The following STON2 variants were observed in gnomAD, a reference collection of about 807,000 sequenced individuals.
STON2 encodes stonin-2.
A neutral mutation model predicts 65.7 loss-of-function variants in STON2; 29 were observed. That is an observed-to-expected ratio of 0.44 (90% CI 0.33 to 0.60). STON2 has a LOEUF of 0.60. Among genes scored for constraint, STON2 ranks in the 20% least tolerant of loss-of-function variants. The pLI, the probability that STON2 is intolerant of heterozygous loss-of-function variation, is 0.03. For missense variants in STON2, 1,054 were observed against 1,118.1 expected (o/e 0.94, Z 0.82); for synonymous variants, 404 against 414.2 (o/e 0.98, Z 0.30).
In STON2 at chr14:81,261,499, AT is replaced by A; in HGVS notation, c.*6914del. ...TTTTGTAGCTTGTACATAGTTTAAA[AT>A]TTTTTTAACTACAATTTGATGTTAC... On this transcript the variant is annotated 3_prime_UTR_variant, in exon 8 of 8. Coordinates refer to ENST00000614646, the MANE Select transcript of STON2 (RefSeq NM_001394390.1). 3.9e-6 allele frequency: 1 copy of A among 254,942 alleles called. No homozygotes were observed. 15.8% of individuals were successfully genotyped at this position (254,942 alleles called of 1,614,324 possible).
At chr14:81,348,972 T>G (rs1396341863) in intron 4 of STON2, among the ~76,000 whole-genome samples, 1 of 152,112 alleles carries the variant, frequency 6.6e-6, no homozygotes, top group Non-Finnish European at 1.5e-5. Context: ...ACAAAGGTGT[T>G]AAGAACATAT....
chr14:81,288,812 A>C (rs1290699582), intron 5 of STON2, among the ~76,000 whole-genome samples: 1 of 150,756 alleles, frequency 6.6e-6, no homozygotes, highest in African/African-American at 2.4e-5. Flanking sequence ...CATAGGAGCA[A>C]GGGAAAAAGG....
chr14:81,396,078 A>T lies in STON2; in HGVS notation c.189T>A (p.His63Gln), dbSNP rs1160892346. 2.5e-6 allele frequency: 4 copies of T among 1,614,008 alleles called. No individual in the cohort carries two copies. The highest frequency in any genetic ancestry group is 3.4e-6 in the Non-Finnish European group (4 of 1,180,012). ...AGGAGTCATCCTGCTCCGAGTGGGA[A>T]TGGTCTTGAGAGCCTCCATCCACCA... ...NHVVDGGSQD[H>Q]SHSEQDDSSE... The change falls in exon 3 of 8, where the codon CAT (histidine) becomes CAA (glutamine). Residue 63 changes from histidine to glutamine, a missense_variant. His to Gln is a conservative substitution (Grantham distance 24). Coordinates refer to ENST00000614646, the MANE Select transcript of STON2 (RefSeq NM_001394390.1).
intron 4 of STON2, among the ~76,000 whole-genome samples, chr14:81,359,085 T>C (rs540061507): frequency 6.6e-6 from 1 of 152,164 alleles, no homozygotes; most frequent in Non-Finnish European, 1.5e-5. Context: ...CAACAGAATA[T>C]ACATTCTTCT....
At chr14:81,298,414 T>TG (rs750361025) in intron 5 of STON2, among the ~76,000 whole-genome samples, 34 of 111,972 alleles carry the variant, frequency 3.0e-4, no homozygotes, top group South Asian at 6.2e-4. Flanking sequence ...CTGCTTCAGA[T>TG]GGGGGGGGGG....
At chr14:81,425,814 T>C (rs1901943890) in intron 2 of STON2, among the ~76,000 whole-genome samples, 1 of 152,246 alleles carries the variant, frequency 6.6e-6, no homozygotes, top group Non-Finnish European at 1.5e-5. Context: ...GATGTAATGT[T>C]TCAATTACAG....
intron 2 of STON2, among the ~76,000 whole-genome samples, chr14:81,420,567 C>T (rs149552268): frequency 0.022 from 3,320 of 152,176 alleles, 70 homozygotes; most frequent in Non-Finnish European, 0.03. Flanking sequence ...TATGGTGTGA[C>T]CAGGGCAATG....
chr14:81,346,255 G>C (rs1182755492), intron 4 of STON2, among the ~76,000 whole-genome samples: 2 of 152,112 alleles, frequency 1.3e-5, no homozygotes, highest in African/African-American at 4.8e-5. Context: ...AGAATAGAAG[G>C]AAGAGGTGCC....
At chr14:81,334,089 A>C (rs1897295282) in intron 4 of STON2, among the ~76,000 whole-genome samples, 1 of 152,168 alleles carries the variant, frequency 6.6e-6, no homozygotes, top group South Asian at 2.1e-4. Flanking sequence ...TGTCAGGTTC[A>C]AGCATGGCAA....
Position 81,264,843 on chromosome 14 carries a change from T to C in STON2, c.*3571A>G, listed in dbSNP as rs1435522250. 1 of 985,226 alleles carries C rather than the reference T, an allele frequency of 1.0e-6. No individual in the cohort carries two copies. The highest frequency in any genetic ancestry group is 1.2e-6 in the Non-Finnish European group (1 of 829,906). 61.0% of individuals were successfully genotyped at this position (985,226 alleles called of 1,614,324 possible). A position where few individuals can be genotyped will look rare whatever the true frequency, so the allele number is the denominator to read the frequency against. Reference sequence around the variant, plus strand: ...TGTCTGCAAGAGCAGGCAAGGGGGATCATCTAATGGTCTCCCCACAAAGTG... The same window carrying C: ...TGTCTGCAAGAGCAGGCAAGGGGGACCATCTAATGGTCTCCCCACAAAGTG... On this transcript the variant is annotated 3_prime_UTR_variant, in exon 8 of 8. Transcript: ENST00000614646.
chr14:81,396,309 A>C (rs1900320169), intron 2 of STON2, 131 bp from the exon 3 acceptor site: 1 of 760,974 alleles, frequency 1.3e-6, no homozygotes, highest in Admixed American at 2.8e-5. Flanking sequence ...GGGAGAAGAA[A>C]GAGCCACACC....
chr14:81,363,954 T>G lies in STON2; in HGVS notation c.571+7034A>C, dbSNP rs143580085. On this transcript the variant is annotated intron_variant, in intron 4 of 7. Coordinates refer to ENST00000614646, the MANE Select transcript of STON2 (RefSeq NM_001394390.1). ...AGGCAACAGAGAAACATGTTATATC[T>G]TGTACAGAGACATGCAGCCCAGGCG... Among the ~76,000 whole-genome samples, 415 of 152,272 alleles carry G rather than the reference T, an allele frequency of 2.7e-3. 6 individuals are homozygous for G. Among genetic ancestry groups the G allele is most frequent in the African/African-American group, 9.5e-3 (394 of 41,550 alleles).
rs145117552 is a variant in STON2 at position 81,387,014 on chromosome 14, T to A, written c.373+8880A>T. 1.2e-4 allele frequency among the ~76,000 whole-genome samples: 19 copies of A among 152,298 alleles called. No individual in the cohort carries two copies. The East Asian group carries it at 2.9e-3, about 23-fold the overall frequency. On this transcript the variant is annotated intron_variant, in intron 3 of 7. Coordinates refer to ENST00000614646, the MANE Select transcript of STON2 (RefSeq NM_001394390.1). The stretch of plus-strand genomic sequence containing the variant: ...AGCCAGAGGAAGCCTTATATGTTAA[T>A]CAAACTTTTTGTAACTAGAGATAGT...
intron 3 of STON2, among the ~76,000 whole-genome samples, chr14:81,383,578 A>T (rs1481751112): frequency 6.6e-6 from 1 of 152,100 alleles, no homozygotes; most frequent in Non-Finnish European, 1.5e-5. Flanking sequence ...TTGCTCCATC[A>T]CAATTTTTGC....
At chr14:81,393,300 G>A (rs538813601) in intron 3 of STON2, among the ~76,000 whole-genome samples, 11 of 152,242 alleles carry the variant, frequency 7.2e-5, no homozygotes, top group Admixed American at 2.6e-4. Flanking sequence ...CTGAAGGCAC[G>A]GCCATTTTAG....
At position 81,265,176 on chromosome 14, in the gene STON2, T is replaced by A. The variant is rs1210960540; in HGVS notation, c.*3238A>T. ...ACTGTTTTCTATGTAGGTTATTACA[T>A]AGCTAATTTGCCCACTTGTATTTTC... On this transcript the variant is annotated 3_prime_UTR_variant, in exon 8 of 8. Coordinates refer to ENST00000614646, the MANE Select transcript of STON2 (RefSeq NM_001394390.1). The A allele has an allele frequency of 1.0e-6, 1 of 983,360 alleles. No individual in the cohort carries two copies. The highest frequency in any genetic ancestry group is 1.2e-6 in the Non-Finnish European group (1 of 829,814). The allele number at this position is 983,360 out of a possible 1,614,324, so 60.9% of individuals were successfully genotyped here.
chr14:81,365,493 T>C lies in STON2; in HGVS notation c.571+5495A>G, dbSNP rs142963797. Among the ~76,000 whole-genome samples, 108 of 152,320 alleles carry C rather than the reference T, an allele frequency of 7.1e-4. 1 individual carries two copies. Among genetic ancestry groups the C allele is most frequent in the African/African-American group, 2.5e-3 (105 of 41,572 alleles). ...GAGCCTGGACAGGTGCAGTGGCTCA[T>C]GCCTTTAATCTCAGCACTTTGGGAG... On this transcript the variant is annotated intron_variant, in intron 4 of 7. Coordinates refer to ENST00000614646, the MANE Select transcript of STON2 (RefSeq NM_001394390.1).
chr14:81,371,751 A>T lies in STON2; in HGVS notation c.374-566T>A, dbSNP rs3853418. On this transcript the variant is annotated intron_variant, in intron 3 of 7. Coordinates refer to ENST00000614646, the MANE Select transcript of STON2 (RefSeq NM_001394390.1). ...CAATCAAAGAAAATCTCACTAAAGGAACACAAGTTACTTCAGGGTCTAATT... is the reference window on the plus strand; with the variant it reads ...CAATCAAAGAAAATCTCACTAAAGGTACACAAGTTACTTCAGGGTCTAATT... Among the ~76,000 whole-genome samples, 578 of 152,114 alleles carry T rather than the reference A, an allele frequency of 3.8e-3. 6 individuals are homozygous for T. Among genetic ancestry groups the T allele is most frequent in the South Asian group, 0.022 (107 of 4,822 alleles).
Position 81,263,215 on chromosome 14 carries a change from C to A in STON2, c.*5199G>T. 1 of 955,304 alleles carries A rather than the reference C, an allele frequency of 1.0e-6. No homozygotes were observed. Among genetic ancestry groups the A allele is most frequent in the Non-Finnish European group, 1.2e-6 (1 of 802,500 alleles). 59.2% of individuals were successfully genotyped at this position (955,304 alleles called of 1,614,324 possible). ...GCCCATGATGGTTTTGAATGTGGCC[C>A]AAGACAAATTCGTAAACTTTCTTAA... On this transcript the variant is annotated 3_prime_UTR_variant, in exon 8 of 8. Coordinates refer to ENST00000614646, the MANE Select transcript of STON2 (RefSeq NM_001394390.1).
Sources: allele counts gnomAD v4.1 joint callset (sites outside exome capture counted in the v4.1 genomes callset), GRCh38; gene constraint gnomAD v4.1.1; transcripts MANE v1.5; gene names NCBI Gene and HGNC (gene_info 2026-07-23, HGNC 2026-07-21).